NBAS: variants seen among roughly 807,000 people sequenced by gnomAD.
NBAS encodes the protein NAG/BC035112 fusion.
A neutral mutation model predicts 302.5 loss-of-function variants in NBAS; 219 were observed. The ratio of observed to expected loss-of-function variants is 0.72; its 90% CI spans 0.65 to 0.81. The LOEUF is 0.81. Ranked by LOEUF, NBAS falls within the 30% of genes least tolerant of loss-of-function variation. The pLI, the probability that NBAS is intolerant of heterozygous loss-of-function variation, is 0.00. For missense variants in NBAS, 2,932 were observed against 2,841.6 expected, an observed-to-expected ratio of 1.03 and a Z score of -0.72; for synonymous variants, 1,118 against 1,021.6, an observed-to-expected ratio of 1.09 and a Z score of -1.80.
At position 15,181,909 on chromosome 2, in the gene NBAS, G is replaced by A. The variant is rs147586378; in HGVS notation, c.6712-2793C>T. 2.6e-3 allele frequency among the ~76,000 whole-genome samples: 393 copies of A among 152,358 alleles called. 1 individual carries two copies. Among genetic ancestry groups the A allele is most frequent in the Non-Finnish European group, 4.7e-3 (321 of 68,034 alleles). ...CAGGGATTGGTGATGCAGAGACCGA[G>A]GGGCTTATCACATGCCCCAGGCATT... On this transcript the variant is annotated intron_variant, in intron 50 of 51. Transcript: ENST00000281513.
At chr2:15,154,785 G>A in the NBAS span, among the ~76,000 whole-genome samples, 2 of 152,112 alleles carry the variant, frequency 1.3e-5, no homozygotes, top group African/African-American at 2.4e-5. Context: ...GAGAGTGGGG[G>A]GTTCAAGAGA....
chr2:14,897,710 A>T, the NBAS span, among the ~76,000 whole-genome samples: 3 of 151,650 alleles, frequency 2.0e-5, no homozygotes, highest in African/African-American at 7.3e-5. Context: ...TCTCCTGTTG[A>T]GACATCACAT....
the NBAS span, among the ~76,000 whole-genome samples, chr2:14,919,500 G>T: frequency 6.6e-6 from 1 of 152,144 alleles, no homozygotes; most frequent in Admixed American, 6.5e-5. Context: ...GATGAAGTTT[G>T]CTGCATCCAT....
rs373631761 is a variant in NBAS, at chr2:15,318,616, T to C, written c.4582+9134A>G. Among the ~76,000 whole-genome samples the C allele has an allele frequency of 7.2e-5, 11 of 151,980 alleles. No individual in the cohort carries two copies. In the East Asian group the frequency reaches 1.4e-3, roughly 19 times the overall value. On this transcript the variant is annotated intron_variant, in intron 38 of 51. Coordinates refer to ENST00000281513, the MANE Select transcript of NBAS (RefSeq NM_015909.4). The stretch of plus-strand genomic sequence containing the variant: ...GTTGCAATCCTAGTCTCTGATAAAA[T>C]AGACTTTAAACCAACAAAGAGCAAA...
chr2:14,929,298 T>C, the NBAS span, among the ~76,000 whole-genome samples: 1 of 152,234 alleles, frequency 6.6e-6, no homozygotes, highest in African/African-American at 2.4e-5. Context: ...CACTAAAGTG[T>C]TCCCTGATAG....
At chr2:14,944,803 C>A in the NBAS span, among the ~76,000 whole-genome samples, 1 of 151,944 alleles carries the variant, frequency 6.6e-6, no homozygotes, top group Non-Finnish European at 1.5e-5. Context: ...TCCCTCCCCC[C>A]ATTCTGCCCA....
At chr2:15,516,837 A>G (rs1416712273) in intron 9 of NBAS, among the ~76,000 whole-genome samples, 1 of 152,182 alleles carries the variant, frequency 6.6e-6, no homozygotes, top group Non-Finnish European at 1.5e-5. Flanking sequence ...AAAGGAAAGT[A>G]GACAAAGGAT....
chr2:14,914,523 CTG>C, the NBAS span, among the ~76,000 whole-genome samples: 1 of 152,206 alleles, frequency 6.6e-6, no homozygotes, highest in East Asian at 1.9e-4. Context: ...TAAGCAGAAA[CTG>C]TGCCCAGCCC....
the NBAS span, among the ~76,000 whole-genome samples, chr2:14,790,489 C>T: frequency 9.2e-5 from 14 of 152,112 alleles, no homozygotes; most frequent in East Asian, 3.9e-4. Context: ...AGATTTCTTT[C>T]GAAAAAGTCC....
the NBAS span, among the ~76,000 whole-genome samples, chr2:15,092,320 A>AC: frequency 6.6e-6 from 1 of 152,182 alleles, no homozygotes; most frequent in Non-Finnish European, 1.5e-5. Context: ...CAAAAAATCT[A>AC]CCTAAGATGG....
chr2:15,204,571 G>A (rs1187097250), intron 48 of NBAS, among the ~76,000 whole-genome samples: 3 of 152,098 alleles, frequency 2.0e-5, no homozygotes, highest in African/African-American at 7.2e-5. Flanking sequence ...GTATGTTTTT[G>A]CGGCACTATT....
At chr2:15,188,839 G>A (rs186881323) in intron 49 of NBAS, among the ~76,000 whole-genome samples, 72 of 152,258 alleles carry the variant, frequency 4.7e-4, no homozygotes, top group African/African-American at 1.6e-3. Flanking sequence ...ATTTTGAATT[G>A]GGAAATGAGG....
chr2:15,393,857 A>C (rs924493351), intron 28 of NBAS: 41 of 395,592 alleles, frequency 1.0e-4, no homozygotes, highest in Admixed American at 4.8e-4. Flanking sequence ...CACAAACAAA[A>C]AAGTTACACT....
chr2:15,164,751 A>G (rs1051064748), downstream of NBAS, among the ~76,000 whole-genome samples: 1 of 152,238 alleles, frequency 6.6e-6, no homozygotes, highest in Non-Finnish European at 1.5e-5. Flanking sequence ...CAGCACAAAG[A>G]GGAACGCAGC....
chr2:14,848,137 G>T, the NBAS span, among the ~76,000 whole-genome samples: 2 of 152,010 alleles, frequency 1.3e-5, no homozygotes, highest in African/African-American at 4.8e-5. Flanking sequence ...CGCAGAAGAC[G>T]GGTGATTTCT....
At chr2:15,377,773 T>C (rs1021926939) in intron 30 of NBAS, among the ~76,000 whole-genome samples, 1 of 152,232 alleles carries the variant, frequency 6.6e-6, no homozygotes, top group Non-Finnish European at 1.5e-5. Context: ...CAGATCTGTA[T>C]ACACTAGCTC....
chr2:14,944,126 C>T, the NBAS span, among the ~76,000 whole-genome samples: 4 of 152,150 alleles, frequency 2.6e-5, no homozygotes, highest in Non-Finnish European at 5.9e-5. Flanking sequence ...AGTGAAACCC[C>T]GTCTCTACTA....
At chr2:14,805,382 C>A in the NBAS span, among the ~76,000 whole-genome samples, 1 of 152,006 alleles carries the variant, frequency 6.6e-6, no homozygotes, top group Non-Finnish European at 1.5e-5. Context: ...GGAGGAAAAC[C>A]GGCAAGATCA....
the NBAS span, among the ~76,000 whole-genome samples, chr2:14,955,260 G>A: frequency 6.6e-6 from 1 of 152,224 alleles, no homozygotes; most frequent in African/African-American, 2.4e-5. Context: ...TGAGGCAAGA[G>A]GTGGGCTCCC....
Sources: allele counts gnomAD v4.1 joint callset (sites outside exome capture counted in the v4.1 genomes callset), GRCh38; gene constraint gnomAD v4.1.1; transcripts MANE v1.5; gene names NCBI Gene and HGNC (gene_info 2026-07-23, HGNC 2026-07-21).